The following PKHD1 variants were observed in gnomAD, a reference collection of about 807,000 sequenced individuals.
PKHD1 encodes the protein PKHD1 ciliary IPT domain containing fibrocystin/polyductin, also known as fibrocystin.
In PKHD1, 291 loss-of-function variants were observed where a neutral mutation model predicts 412.0. The ratio of observed to expected loss-of-function variants is 0.71; its 90% CI spans 0.64 to 0.78. The LOEUF is 0.78. Among genes scored for constraint, PKHD1 ranks in the 30% least tolerant of loss-of-function variants. The probability of loss-of-function intolerance (pLI) is 0.00; values close to 1 mark genes in which losing one functional copy is unlikely to be tolerated. For synonymous variants in PKHD1, 1,777 were observed against 1,821.5 expected, an observed-to-expected ratio of 0.98 and a Z score of 0.62; for missense variants, 4,825 against 4,950.7, an observed-to-expected ratio of 0.97 and a Z score of 0.76.
At chr6:51,766,446 T>C (rs935735274) in intron 55 of PKHD1, among the ~76,000 whole-genome samples, 1 of 152,102 alleles carries the variant, frequency 6.6e-6, no homozygotes, top group African/African-American at 2.4e-5. Context: ...GAATTCACTA[T>C]TTTCCATCTT....
chr6:51,775,356 T>C (rs1790841162), intron 54 of PKHD1, among the ~76,000 whole-genome samples: 1 of 151,866 alleles, frequency 6.6e-6, no homozygotes, highest in Non-Finnish European at 1.5e-5. Flanking sequence ...CCAGTCCCCG[T>C]TTCTGTACTT....
At position 52,082,472 on chromosome 6, in the gene PKHD1, C is replaced by G. The variant is rs778263617; in HGVS notation, c.201G>C (p.Met67Ile). The G allele has an allele frequency of 1.2e-6, 2 of 1,614,070 alleles. No homozygotes were observed. Among genetic ancestry groups the G allele is most frequent in the African/African-American group, 2.7e-5 (2 of 75,034 alleles). The change falls in exon 4 of 67, where the codon ATG becomes ATC. Residue 67 changes from methionine (M) to isoleucine (I), a missense_variant. Transcript: ENST00000371117. Reference protein sequence around the residue: ...QLEIHLVNVNMVVPALRSVPC... With the variant: ...QLEIHLVNVNIVVPALRSVPC... ...GAACACTCCGCAGTGCGGGCACCAC[C>G]ATGTTCACGTTCACCAGGTGTATCT...
At chr6:51,774,258 T>A (rs1239090999) in intron 54 of PKHD1, among the ~76,000 whole-genome samples, 5 of 152,048 alleles carry the variant, frequency 3.3e-5, no homozygotes, top group Non-Finnish European at 5.9e-5. Flanking sequence ...ACGATTAAAA[T>A]TTGTCATCTA....
intron 60 of PKHD1, chr6:51,721,445 A>G (rs1781916156): frequency 1.4e-6 from 1 of 704,366 alleles, no homozygotes; most frequent in South Asian, 6.4e-5. Flanking sequence ...TTGGTAAAGA[A>G]GAGAGAAATA....
chr6:52,069,812 A>G (rs1260621405), intron 10 of PKHD1, among the ~76,000 whole-genome samples: 1 of 152,196 alleles, frequency 6.6e-6, no homozygotes, highest in East Asian at 1.9e-4. Flanking sequence ...CCTATAGTCA[A>G]TACTCAATAG....
At chr6:51,745,695 C>T (rs992903191) in intron 59 of PKHD1, among the ~76,000 whole-genome samples, 1 of 152,056 alleles carries the variant, frequency 6.6e-6, no homozygotes, top group African/African-American at 2.4e-5. Context: ...CACAGTGAGA[C>T]CCCATCTCCA....
rs1344480977 is a variant in PKHD1, at chr6:51,784,571, A to G, written c.8440+6665T>C. The stretch of plus-strand genomic sequence containing the variant: ...CTGGAATTTCCATATTTATGAAGCT[A>G]ATTTCTGTCTTGTTAAAGCCATACT... On this transcript the variant is annotated intron_variant, in intron 53 of 66. Transcript: ENST00000371117. Among the ~76,000 whole-genome samples the G allele has an allele frequency of 3.3e-5, 5 of 152,322 alleles. No individual in the cohort carries two copies. The East Asian group carries it at 9.6e-4, about 29-fold the overall frequency.
chr6:51,818,162 G>A (rs771788362), intron 52 of PKHD1, among the ~76,000 whole-genome samples: 5 of 152,090 alleles, frequency 3.3e-5, no homozygotes, highest in South Asian at 4.1e-4. Flanking sequence ...GACACAGAGC[G>A]GGCCCCGGAG....
rs988923574 is a variant in PKHD1 at position 51,618,392 on chromosome 6, T to A, written c.*689A>T. 3.9e-5 allele frequency: 6 copies of A among 152,390 alleles called. No individual in the cohort carries two copies. Among genetic ancestry groups the A allele is most frequent in the African/African-American group, 1.4e-4 (6 of 41,432 alleles). The allele number at this position is 152,390 out of a possible 1,614,324, so 9.4% of individuals were successfully genotyped here. A position where few individuals can be genotyped will look rare whatever the true frequency, so the allele number is the denominator to read the frequency against. ...CTTTCCCAAATTTGGCATTTTTACA[T>A]CTTTGTCCTTAACTAAACTCTCAGC... On this transcript the variant is annotated 3_prime_UTR_variant, in exon 67 of 67. Transcript: ENST00000371117.
chr6:51,830,818 G>A, intron 52 of PKHD1, 43 bp downstream of exon 52: 8 of 1,587,440 alleles, frequency 5.0e-6, no homozygotes, highest in Non-Finnish European at 6.9e-6. Flanking sequence ...ATCTGGCTGG[G>A]TTCAGCCTGT....
At chr6:52,056,640 A>G in intron 18 of PKHD1, 58 bp downstream of exon 18, 2 of 1,238,742 alleles carry the variant, frequency 1.6e-6, no homozygotes, top group Non-Finnish European at 2.4e-6. Flanking sequence ...TTCTCATTTT[A>G]TAGAAAGAAA....
At chr6:51,803,861 C>T (rs1582788146) in intron 52 of PKHD1, among the ~76,000 whole-genome samples, 7 of 151,234 alleles carry the variant, frequency 4.6e-5, no homozygotes, top group Admixed American at 4.6e-4. Context: ...TGCCCATCAC[C>T]ACGCCTGGCT....
At chr6:51,956,324 G>A (rs1056318060) in intron 36 of PKHD1, among the ~76,000 whole-genome samples, 1 of 151,984 alleles carries the variant, frequency 6.6e-6, no homozygotes, top group East Asian at 1.9e-4. Flanking sequence ...GTGTGTGTGT[G>A]TGTGTGTAAT....
intron 48 of PKHD1, among the ~76,000 whole-genome samples, chr6:51,865,051 T>C (rs1774833523): frequency 6.6e-6 from 1 of 152,122 alleles, no homozygotes; most frequent in Non-Finnish European, 1.5e-5. Flanking sequence ...TGATATGAGG[T>C]CCTGACTTAC....
chr6:52,014,256 C>T (rs574782722), intron 34 of PKHD1, among the ~76,000 whole-genome samples: 13 of 152,308 alleles, frequency 8.5e-5, no homozygotes, highest in Admixed American at 1.3e-4. Context: ...TGCTTCTCTT[C>T]GTAACATAAA....
chr6:51,970,696 T>G (rs1198003015), intron 35 of PKHD1, among the ~76,000 whole-genome samples: 3 of 152,164 alleles, frequency 2.0e-5, no homozygotes, highest in Non-Finnish European at 4.4e-5. Flanking sequence ...CGCACACTTA[T>G]CGAGTAGGGT....
chr6:51,900,996 A>G (rs1781174570), intron 43 of PKHD1, among the ~76,000 whole-genome samples: 1 of 152,034 alleles, frequency 6.6e-6, no homozygotes, highest in African/African-American at 2.4e-5. Context: ...TAGAATGGCA[A>G]TCATTAAAAA....
intron 61 of PKHD1, among the ~76,000 whole-genome samples, chr6:51,658,608 C>T (rs1241717857): frequency 6.6e-6 from 1 of 152,068 alleles, no homozygotes; most frequent in African/African-American, 2.4e-5. Flanking sequence ...ACCCTAGAAC[C>T]TAGCCCATTG....
At position 51,747,925 on chromosome 6, in the gene PKHD1, T is replaced by C. The variant is rs1785439617; in HGVS notation, c.9691A>G (p.Arg3231Gly). 1 of 1,613,988 alleles carries C rather than the reference T, an allele frequency of 6.2e-7. No individual in the cohort carries two copies. Among genetic ancestry groups the C allele is most frequent in the Non-Finnish European group, 8.5e-7 (1 of 1,180,004 alleles). ...CCTCCTCTTGGATTGGAGGGAGCTC[T>C]ATCTGTTGATGTCAAGTTGGCTGAG... is the stretch of plus-strand genomic sequence containing the variant. ...PHSANLTSTD[R>G]APSNPRGGRI... Residue 3231 changes from arginine to glycine, a missense_variant, in exon 58 of 67, where the codon AGA becomes GGA. Physicochemically the swap from Arg to Gly is moderately radical, Grantham distance 125. Coordinates refer to ENST00000371117, the MANE Select transcript of PKHD1 (RefSeq NM_138694.4).
Sources: gnomAD v4.1 joint callset for allele counts (sites outside exome capture counted in the v4.1 genomes callset) on GRCh38, gnomAD v4.1.1 for gene constraint, MANE v1.5 for transcripts, NCBI Gene and HGNC (gene_info 2026-07-23, HGNC 2026-07-21) for gene names.